The following GBP7 variants were observed in gnomAD, a reference collection of about 807,000 sequenced individuals.
GBP7 encodes the protein guanylate-binding protein 7.
A neutral mutation model predicts 61.3 loss-of-function variants in GBP7; 43 were observed. The ratio of observed to expected loss-of-function variants is 0.70; its 90% CI spans 0.55 to 0.91. The LOEUF (loss-of-function observed/expected upper bound fraction) is 0.91. Among genes scored for constraint, GBP7 ranks in the 40% least tolerant of loss-of-function variants. The probability of loss-of-function intolerance (pLI) is 0.00; values close to 1 mark genes in which losing one functional copy is unlikely to be tolerated. For missense variants in GBP7, 717 were observed against 740.5 expected, an observed-to-expected ratio of 0.97 and a Z score of 0.37; for synonymous variants, 267 against 271.0, an observed-to-expected ratio of 0.99 and a Z score of 0.14.
At chr1:89,144,817 C>T (rs896375466) in intron 8 of GBP7, among the ~76,000 whole-genome samples, 4 of 152,122 alleles carry the variant, frequency 2.6e-5, no homozygotes, top group African/African-American at 9.7e-5. Flanking sequence ...AGTCACCATG[C>T]TATACACTAG....
At chr1:89,162,905 A>G (rs749998334) in intron 3 of GBP7, among the ~76,000 whole-genome samples, 4 of 152,178 alleles carry the variant, frequency 2.6e-5, no homozygotes, top group Non-Finnish European at 4.4e-5. Flanking sequence ...GGTTTGTCAT[A>G]TATGGCTCTT....
In GBP7 at chr1:89,164,784, G is replaced by A; in HGVS notation, c.265C>T (p.Pro89Ser). The change falls in exon 3 of 11, where the codon CCA becomes TCA. Residue 89 changes from proline to serine, a missense_variant. Pro to Ser is a moderately conservative substitution (Grantham distance 74). Around this residue, in one of 3 missense-constraint regions of GBP7, gnomAD observed 387 missense variants for 385.2 expected, o/e 1.00. Coordinates refer to ENST00000294671, the MANE Select transcript of GBP7 (RefSeq NM_207398.3). ...WMWCVPHPSK[P>S]NHTLILLDTE... ...TCCAGAAGGATCAGGGTGTGGTTTG[G>A]CTTGGAGGGGTGGGGCACACACCAC... 6.2e-7 allele frequency: 1 copy of A among 1,613,884 alleles called. No homozygotes were observed. Among genetic ancestry groups the A allele is most frequent in the Non-Finnish European group, 8.5e-7 (1 of 1,179,858 alleles).
intron 9 of GBP7, among the ~76,000 whole-genome samples, chr1:89,140,382 T>C (rs1250423599): frequency 6.7e-6 from 1 of 149,346 alleles, no homozygotes; most frequent in African/African-American, 2.5e-5. Flanking sequence ...ATGGCACATG[T>C]ATACATATGT....
chr1:89,148,241 C>A (rs1682112417), intron 7 of GBP7, among the ~76,000 whole-genome samples: 1 of 152,212 alleles, frequency 6.6e-6, no homozygotes, highest in Non-Finnish European at 1.5e-5. Context: ...TTTGCTTACA[C>A]TTCTAAGCTA....
chr1:89,144,403 T>C (rs1448598436), intron 8 of GBP7, among the ~76,000 whole-genome samples: 1 of 152,178 alleles, frequency 6.6e-6, no homozygotes, highest in Non-Finnish European at 1.5e-5. Context: ...AGTAATGGGA[T>C]TGCTGGGTTG....
chr1:89,174,939 A>G (rs912006127), intron 1 of GBP7, among the ~76,000 whole-genome samples: 4 of 152,224 alleles, frequency 2.6e-5, no homozygotes, highest in African/African-American at 4.8e-5. Context: ...CTGTATAGAG[A>G]GTAGCATATG....
rs199946678 is a variant in GBP7, at chr1:89,171,786, G to A, written c.150C>T (p.Gly50=). 1.2e-4 allele frequency: 199 copies of A among 1,613,198 alleles called. No individual in the cohort carries two copies. Among genetic ancestry groups the A allele is most frequent in the Non-Finnish European group, 3.6e-5 (43 of 1,179,852 alleles). The part of the protein sequence containing the change: ...VVAIVGLYRT[G]KSYLMNKLAG... ...CCAGCTTGTTCATTAGGTAGGATTT[G>A]CCTGTGCGGTAGAGGCCCACAATTG... The change falls in exon 2 of 11, where the codon GGC becomes GGT. Residue 50 remains glycine, a synonymous_variant. Transcript: ENST00000294671.
At chr1:89,147,839 T>C in intron 7 of GBP7, 60 bp from the exon 8 acceptor site, 1 of 1,552,742 alleles carries the variant, frequency 6.4e-7, no homozygotes, top group South Asian at 1.1e-5. Context: ...AAGGTCCAAC[T>C]GTGATCCTCT....
intron 2 of GBP7, among the ~76,000 whole-genome samples, chr1:89,168,996 A>C (rs1033738924): frequency 1.3e-5 from 2 of 150,912 alleles, no homozygotes; most frequent in South Asian, 2.1e-4. Flanking sequence ...AAAAAACAAA[A>C]AAACTCCTGT....
At chr1:89,146,898 C>G (rs1682080394) in intron 8 of GBP7, among the ~76,000 whole-genome samples, 1 of 152,128 alleles carries the variant, frequency 6.6e-6, no homozygotes. Context: ...ACAGTTTCTT[C>G]AAAAAGGAAA....
At chr1:89,132,513 G>C (rs1681704790) in intron 10 of GBP7, 110 bp from the exon 11 acceptor site, 1 of 802,666 alleles carries the variant, frequency 1.2e-6, no homozygotes, top group African/African-American at 1.7e-5. Context: ...TAACATCTTA[G>C]AAAATCTTTG....
intron 3 of GBP7, among the ~76,000 whole-genome samples, chr1:89,158,310 T>TGCCCTC (rs201905360): frequency 0.019 from 2,965 of 152,322 alleles, 33 homozygotes; most frequent in Middle Eastern, 0.048. Flanking sequence ...CAAGACGGGA[T>TGCCCTC]GCCCTCTCTC....
chr1:89,156,357 T>A (rs1682314681), intron 3 of GBP7, among the ~76,000 whole-genome samples: 1 of 152,112 alleles, frequency 6.6e-6, no homozygotes, highest in African/African-American at 2.4e-5. Flanking sequence ...ATAACAATAT[T>A]AACCTTAAAT....
chr1:89,159,795 C>A (rs551126563), intron 3 of GBP7, among the ~76,000 whole-genome samples: 1 of 152,160 alleles, frequency 6.6e-6, no homozygotes, highest in Admixed American at 6.5e-5. Context: ...ATGTGGAAGA[C>A]GGCGTGGTGA....
chr1:89,173,596 A>G (rs113059622), intron 1 of GBP7, among the ~76,000 whole-genome samples: 1 of 152,310 alleles, frequency 6.6e-6, no homozygotes, highest in Non-Finnish European at 1.5e-5. Flanking sequence ...TTAGCCTTAT[A>G]TACACACTCA....
In GBP7 at chr1:89,133,307, C is replaced by T; in HGVS notation, c.1613G>A (p.Arg538Lys). 1 of 1,614,030 alleles carries T rather than the reference C, an allele frequency of 6.2e-7. No homozygotes were observed. Among genetic ancestry groups the T allele is most frequent in the Non-Finnish European group, 8.5e-7 (1 of 1,179,956 alleles). Residue 538 changes from arginine (R) to lysine (K), a missense_variant, in exon 10 of 11, where the codon AGG becomes AAG. Arg to Lys is a conservative substitution (Grantham distance 26). This residue lies in a region of GBP7 where 312 missense variants were observed against 310.1 expected (regional missense o/e 1.01). Coordinates refer to ENST00000294671, the MANE Select transcript of GBP7 (RefSeq NM_207398.3). ...AQLKKKMERE[R>K]ENYMRELRKM... is the part of the protein sequence containing the mutation. ...TCTCAGTTCTCTCATATAGTTTTCC[C>T]TTTCCCTCTCCATCTTCTTCTTGAG...
chr1:89,168,401 A>G (rs541444487), intron 2 of GBP7, among the ~76,000 whole-genome samples: 7 of 152,330 alleles, frequency 4.6e-5, no homozygotes, highest in African/African-American at 1.7e-4. Context: ...GGACCAGAGA[A>G]AACAGAAAAA....
intron 8 of GBP7, among the ~76,000 whole-genome samples, chr1:89,146,848 T>G (rs1485643468): frequency 6.6e-6 from 1 of 152,116 alleles, no homozygotes; most frequent in African/African-American, 2.4e-5. Context: ...AGGAAATTAG[T>G]ATAGGAAAGT....
At position 89,133,462 on chromosome 1, in the gene GBP7, G is replaced by A. The variant is rs763577544; in HGVS notation, c.1469-11C>T. 11 of 1,612,314 alleles carry A rather than the reference G, an allele frequency of 6.8e-6. No homozygotes were observed. Among genetic ancestry groups the A allele is most frequent in the African/African-American group, 6.7e-5 (5 of 74,680 alleles). ...TCTTAGCCTGCTTAGCTGTTCCACC[G>A]AGGTTTTACAGAGGGAAGAAAATAA... On this transcript the variant is annotated splice_polypyrimidine_tract_variant and intron_variant, in intron 9 of 10. Transcript: ENST00000294671.
Sources: allele counts gnomAD v4.1 joint callset (sites outside exome capture counted in the v4.1 genomes callset), GRCh38; gene constraint gnomAD v4.1.1; regional missense constraint gnomAD v4.1.1; transcripts MANE v1.5; gene names NCBI Gene and HGNC (gene_info 2026-07-23, HGNC 2026-07-21).